The following LAMA4 variants were observed in gnomAD, a reference collection of about 807,000 sequenced individuals.
The protein encoded by LAMA4 is laminin subunit alpha 4.
Under a neutral mutation model 207.1 loss-of-function variants are expected in LAMA4, and 127 were observed. That is an observed-to-expected ratio of 0.61 (90% CI 0.53 to 0.71). The LOEUF is 0.71. Among genes scored for constraint, LAMA4 ranks in the 30% least tolerant of loss-of-function variants. The pLI, the probability that LAMA4 is intolerant of heterozygous loss-of-function variation, is 0.00. For missense variants in LAMA4, 2,093 were observed against 2,246.5 expected, an observed-to-expected ratio of 0.93 and a Z score of 1.38; for synonymous variants, 761 against 816.0, an observed-to-expected ratio of 0.93 and a Z score of 1.15.
intron 31 of LAMA4, among the ~76,000 whole-genome samples, chr6:112,128,695 T>A (rs567011257): frequency 6.6e-6 from 1 of 152,330 alleles, no homozygotes; most frequent in South Asian, 2.1e-4. Context: ...CTGTACCCCA[T>A]ACATTTGTGC....
intron 9 of LAMA4, among the ~76,000 whole-genome samples, chr6:112,182,937 G>A (rs553137525): frequency 5.9e-5 from 9 of 152,302 alleles, no homozygotes; most frequent in Middle Eastern, 3.4e-3. Context: ...AGATGGATGG[G>A]CATCCTTTAG....
In LAMA4 at chr6:112,158,831, T is replaced by C. The variant is rs1554337634; in HGVS notation, c.1718A>G (p.Gln573Arg). The stretch of plus-strand genomic sequence containing the variant: ...GTTACTTAGGTTAGATAGTTTTACT[T>C]GTAGTTCACTTTTGGCTCCATCTAT... ...AEIDGAKSEL[Q>R]VKLSNLSNLS... The change falls in exon 14 of 39, where the codon CAA (glutamine) becomes CGA (arginine). Residue 573 changes from glutamine (Q) to arginine (R), a missense_variant. By Grantham distance (43) the Gln-to-Arg change is conservative. Around this residue, in one of 3 missense-constraint regions of LAMA4, gnomAD observed 1,704 missense variants for 1,788.4 expected, o/e 0.95. Transcript: ENST00000230538. 6.2e-7 allele frequency: 1 copy of C among 1,613,304 alleles called. No individual in the cohort carries two copies. Among genetic ancestry groups the C allele is most frequent in the Non-Finnish European group, 8.5e-7 (1 of 1,179,248 alleles).
At chr6:112,135,905 A>G in intron 25 of LAMA4, 2 of 483,896 alleles carry the variant, frequency 4.1e-6, no homozygotes, top group Non-Finnish European at 7.5e-6. Flanking sequence ...TCTTTCAGTG[A>G]CTTTTAAATT....
At position 112,189,197 on chromosome 6, in the gene LAMA4, AGTTGCACACT is replaced by A; in HGVS notation, c.719-2_726del. 6.2e-7 allele frequency: 1 copy of A among 1,613,592 alleles called. No individual in the cohort carries two copies. The highest frequency in any genetic ancestry group is 8.5e-7 in the Non-Finnish European group (1 of 1,179,528). On this transcript the variant is annotated splice_acceptor_variant and coding_sequence_variant, in exon 7 of 39. Transcript: ENST00000230538. LOFTEE classifies it high-confidence loss of function. The stretch of plus-strand genomic sequence containing the variant: ...ACACTGTCACATGGGCCTCCCCCGC[AGTTGCACACT>A]GTGGGAAACAAAAACAAGAGACGAG...
At chr6:112,164,467 G>A (rs1157945738) in intron 13 of LAMA4, among the ~76,000 whole-genome samples, 1 of 152,120 alleles carries the variant, frequency 6.6e-6, no homozygotes, top group Non-Finnish European at 1.5e-5. Flanking sequence ...TAAGCTTGCT[G>A]GAAAGGGCAA....
intron 2 of LAMA4, among the ~76,000 whole-genome samples, chr6:112,226,140 C>G (rs1554362409): frequency 2.0e-5 from 3 of 152,160 alleles, no homozygotes; most frequent in African/African-American, 7.2e-5. Context: ...ATTCTCTCCA[C>G]TCTACTCTCT....
Position 112,115,716 on chromosome 6 carries a change from G to A in LAMA4, c.5112+147C>T. On this transcript the variant is annotated intron_variant, in intron 36 of 38. Transcript: ENST00000230538. Reference sequence around the variant, plus strand: ...ACATAGGAAGCTGAATCCAAATATTGCCCACATTTACATTTCATGTTATAG... The same window carrying A: ...ACATAGGAAGCTGAATCCAAATATTACCCACATTTACATTTCATGTTATAG... 3.4e-6 allele frequency: 3 copies of A among 870,720 alleles called. No homozygotes were observed. In the South Asian group the frequency reaches 4.2e-5, roughly 12 times the overall value. 53.9% of individuals were successfully genotyped at this position (870,720 alleles called of 1,614,324 possible). A position where few individuals can be genotyped will look rare whatever the true frequency, so the allele number is the denominator to read the frequency against.
At chr6:112,183,720 G>A (rs1244540329) in intron 9 of LAMA4, among the ~76,000 whole-genome samples, 1 of 152,032 alleles carries the variant, frequency 6.6e-6, no homozygotes, top group Non-Finnish European at 1.5e-5. Context: ...GGAGGCTGAG[G>A]TGAGCTGATC....
intron 4 of LAMA4, among the ~76,000 whole-genome samples, chr6:112,204,608 A>G (rs182951827): frequency 6.6e-6 from 1 of 152,346 alleles, no homozygotes; most frequent in East Asian, 1.9e-4. Context: ...TTAACAATAT[A>G]TACCATGGCA....
At chr6:112,207,197 G>C in intron 3 of LAMA4, 52 bp from the exon 4 acceptor site, 1 of 1,602,414 alleles carries the variant, frequency 6.2e-7, no homozygotes, top group South Asian at 1.1e-5. Flanking sequence ...AAATTTTAGA[G>C]ACAGCACATC....
chr6:112,111,339 C>T (rs139252187), intron 38 of LAMA4, among the ~76,000 whole-genome samples: 41 of 151,948 alleles, frequency 2.7e-4, no homozygotes, highest in Admixed American at 7.2e-4. Flanking sequence ...CCACCATGTC[C>T]GGCAGAAAAA....
chr6:112,130,201 G>A, intron 29 of LAMA4, 161 bp from the exon 30 acceptor site: 1 of 636,412 alleles, frequency 1.6e-6, no homozygotes, highest in South Asian at 1.9e-5. Flanking sequence ...AGGATAAAAT[G>A]GTTGGATATT....
chr6:112,187,551 G>A lies in LAMA4; in HGVS notation c.865C>T (p.Leu289Phe). The change falls in exon 8 of 39, where the codon CTC (leucine) becomes TTC (phenylalanine). Residue 289 changes from leucine (L) to phenylalanine (F), a missense_variant. Leu to Phe is a conservative substitution (Grantham distance 22). Around this residue, in one of 3 missense-constraint regions of LAMA4, gnomAD observed 1,704 missense variants for 1,788.4 expected, o/e 0.95. Transcript: ENST00000230538. ...CCGGATTTGCCTTCCTCGATGGAGA[G>A]CGCTGCTAACCGCAGGTCATCAGTC... is the stretch of plus-strand genomic sequence containing the variant. ...DLTDDLRLAA[L>F]SIEEGKSGVL... The A allele has an allele frequency of 6.2e-7, 1 of 1,614,110 alleles. No homozygotes were observed. The highest frequency in any genetic ancestry group is 1.1e-5 in the South Asian group (1 of 91,080).
chr6:112,244,802 T>C (rs907061312), intron 2 of LAMA4, among the ~76,000 whole-genome samples: 75 of 152,280 alleles, frequency 4.9e-4, no homozygotes, highest in African/African-American at 1.7e-3. Flanking sequence ...TATTGCAAGG[T>C]ATGATAGATT....
At chr6:112,237,541 G>A (rs1362437160) in intron 2 of LAMA4, among the ~76,000 whole-genome samples, 1 of 152,170 alleles carries the variant, frequency 6.6e-6, no homozygotes, top group Non-Finnish European at 1.5e-5. Context: ...GAAGGAGGTA[G>A]GGAGCAACCT....
At position 112,136,175 on chromosome 6, in the gene LAMA4, T is replaced by C. The variant is rs1554331472; in HGVS notation, c.3362A>G (p.His1121Arg). 2.5e-6 allele frequency: 4 copies of C among 1,612,930 alleles called. No individual in the cohort carries two copies. Among genetic ancestry groups the C allele is most frequent in the Non-Finnish European group, 3.4e-6 (4 of 1,179,078 alleles). The change falls in exon 25 of 39, where the codon CAT becomes CGT. Residue 1121 changes from histidine to arginine, a missense_variant. Coordinates refer to ENST00000230538, the MANE Select transcript of LAMA4 (RefSeq NM_001105206.3). The part of the protein sequence containing the change: ...YDFGFSGGPV[H>R]LEDTLKKAQI... ...AGCTTTCTTTAACGTATCTTCAAGA[T>C]GCACAGGGCCACCGCTGAATCCAAA...
At chr6:112,148,131 CA>C (rs1390842936) in intron 18 of LAMA4, 25 bp downstream of exon 18, 2 of 1,604,464 alleles carry the variant, frequency 1.2e-6, no homozygotes, top group African/African-American at 2.7e-5. Context: ...TAATTAGATT[CA>C]AATTGTGAAA....
intron 19 of LAMA4, among the ~76,000 whole-genome samples, chr6:112,143,107 G>C (rs1779801836): frequency 6.6e-6 from 1 of 152,088 alleles, no homozygotes; most frequent in Admixed American, 6.6e-5. Flanking sequence ...GTATTTACAA[G>C]TGTATGGATT....
At chr6:112,119,462 G>A (rs1254093594) in intron 33 of LAMA4, 151 bp from the exon 34 acceptor site, 1 of 828,660 alleles carries the variant, frequency 1.2e-6, no homozygotes, top group African/African-American at 1.7e-5. Context: ...CTGAAGGTCA[G>A]GAGTTTATCT....
Sources: gnomAD v4.1 joint callset for allele counts (sites outside exome capture counted in the v4.1 genomes callset) on GRCh38, gnomAD v4.1.1 for gene constraint, gnomAD v4.1.1 regional missense constraint, MANE v1.5 for transcripts, NCBI Gene and HGNC (gene_info 2026-07-23, HGNC 2026-07-21) for gene names.